MSH5: variants seen among roughly 807,000 people sequenced by gnomAD.
MSH5 encodes mutS protein homolog 5.
Under a neutral mutation model 107.7 loss-of-function variants are expected in MSH5, and 78 were observed. The observed-to-expected ratio is 0.72, with a 90% CI of 0.60 to 0.87. MSH5 has a LOEUF of 0.87. Ranked by LOEUF, MSH5 falls within the 40% of genes least tolerant of loss-of-function variation. The probability of loss-of-function intolerance (pLI) is 0.00; values close to 1 mark genes in which losing one functional copy is unlikely to be tolerated. For missense variants in MSH5, 889 were observed against 1,046.6 expected (o/e 0.85, Z 2.08); for synonymous variants, 326 against 399.5 (o/e 0.82, Z 2.19).
Position 31,761,281 on chromosome 6 carries a change from G to A in MSH5, c.2037+19G>A, listed in dbSNP as rs1195955769. On this transcript the variant is annotated intron_variant, in intron 21 of 24. Coordinates refer to ENST00000375750, the MANE Select transcript of MSH5 (RefSeq NM_172166.4). This position sits in a 1 kb window ranked among gnomAD's most constrained non-coding sequence, Gnocchi z 5.3. ...CAACACGGTGAGGGGAGAAACTGAT[G>A]AGGGGAGAAACTAAGGAGGGGAAAA... The A allele has an allele frequency of 5.0e-6, 8 of 1,612,914 alleles. No homozygotes were observed. The Admixed American group carries it at 1.3e-4, about 27-fold the overall frequency.
chr6:31,742,795 G>C, intron 3 of MSH5, 82 bp from the exon 4 acceptor site: 2 of 1,307,010 alleles, frequency 1.5e-6, no homozygotes, highest in Non-Finnish European at 2.2e-6. Context: ...AAGGAGAGGG[G>C]TAGGAAGAGG....
chr6:31,752,129 A>G (rs992776432), intron 10 of MSH5, among the ~76,000 whole-genome samples: 3 of 149,494 alleles, frequency 2.0e-5, no homozygotes, highest in African/African-American at 4.9e-5. Context: ...AAATATCTAT[A>G]TATCCATCAG....
chr6:31,756,295 T>C (rs1049059045), intron 12 of MSH5, among the ~76,000 whole-genome samples: 6 of 151,560 alleles, frequency 4.0e-5, no homozygotes, highest in Non-Finnish European at 8.8e-5. Context: ...CTCAGCCTCC[T>C]GAGTAGCTGG....
intron 10 of MSH5, 155 bp from the exon 11 acceptor site, chr6:31,753,146 A>C (rs1395996112): frequency 5.7e-6 from 5 of 880,758 alleles, no homozygotes; most frequent in Non-Finnish European, 8.7e-6. Context: ...ACACACCTGA[A>C]TGGGTAGGAC....
chr6:31,757,944 A>G, intron 12 of MSH5: 1 of 596,082 alleles, frequency 1.7e-6, no homozygotes, highest in Admixed American at 3.1e-5. Context: ...TGCTGGGATT[A>G]CAGGCATGAG....
At position 31,753,430 on chromosome 6, in the gene MSH5, G is replaced by A; in HGVS notation, c.942G>A (p.Lys314=). The A allele has an allele frequency of 6.2e-7, 1 of 1,613,956 alleles. No individual in the cohort carries two copies. The highest frequency in any genetic ancestry group is 8.5e-7 in the Non-Finnish European group (1 of 1,179,896). ...QMLHRLLGHI[K]NVPLILKRMK... ...TGCATCGGCTCCTGGGTCACATCAA[G>A]AACGTGCCTGTGAGCCCAGGGTGGA... Residue 314 remains lysine (K), a synonymous_variant, in exon 11 of 25, where the codon AAG becomes AAA. Transcript: ENST00000375750.
At chr6:31,747,534 AC>A in intron 10 of MSH5, 102 bp downstream of exon 10, 1 of 1,200,124 alleles carries the variant, frequency 8.3e-7, no homozygotes, top group Non-Finnish European at 1.2e-6. Flanking sequence ...CACATACACC[AC>A]CCCACCTAGT....
chr6:31,749,373 G>A (rs555081226), intron 10 of MSH5, among the ~76,000 whole-genome samples: 6 of 152,066 alleles, frequency 3.9e-5, no homozygotes, highest in African/African-American at 7.2e-5. Flanking sequence ...GAAACTTCAC[G>A]TCTACCGAAA....
In MSH5 at chr6:31,762,457, T is replaced by A. The variant is rs189410690; in HGVS notation, c.2431T>A (p.Leu811Met). ...TLVDKFMKLD[L>M]EDPNLDLNVF... ...AGTGGATAAGTTTATGAAACTGGAT[T>A]TGGAAGATCCTAACCTGGACTTGAA... is the stretch of plus-strand genomic sequence containing the variant. Residue 811 changes from leucine to methionine, a missense_variant, in exon 25 of 25, where the codon TTG (leucine) becomes ATG (methionine). Leu to Met is a conservative substitution (Grantham distance 15, BLOSUM62 2). Transcript: ENST00000375750. The A allele has an allele frequency of 1.2e-6, 2 of 1,614,070 alleles. No individual in the cohort carries two copies. The highest frequency in any genetic ancestry group is 3.3e-5 in the Admixed American group (2 of 60,004).
chr6:31,761,511 T>C lies in MSH5; in HGVS notation c.2077T>C (p.Trp693Arg). The change falls in exon 22 of 25, where the codon TGG becomes CGG. Residue 693 changes from tryptophan to arginine, a missense_variant. Coordinates refer to ENST00000375750, the MANE Select transcript of MSH5 (RefSeq NM_172166.4). The surrounding 1 kb of genome is among the most constrained non-coding windows in gnomAD (Gnocchi z 5.3). ...GCTTCTGGCCGCTGTGCTCCGACACTGGCTGGCACGTGGACCCACATGCCC... is the reference window on the plus strand; with the variant it reads ...GCTTCTGGCCGCTGTGCTCCGACACCGGCTGGCACGTGGACCCACATGCCC... ...LALLAAVLRH[W>R]LARGPTCPHI... is the part of the protein sequence containing the mutation. 6.2e-7 allele frequency: 1 copy of C among 1,613,728 alleles called. No individual in the cohort carries two copies. The highest frequency in any genetic ancestry group is 8.5e-7 in the Non-Finnish European group (1 of 1,180,008).
Position 31,753,331 on chromosome 6 carries a change from G to T in MSH5, c.843G>T (p.Leu281=). The T allele has an allele frequency of 3.1e-6, 5 of 1,613,866 alleles. No homozygotes were observed. Among genetic ancestry groups the T allele is most frequent in the Non-Finnish European group, 3.4e-6 (4 of 1,179,848 alleles). ...RLWFTRPTHD[L]GELSSRLDVI... ...GGTTCACACGTCCGACTCATGACCT[G>T]GGGGAGCTCAGTTCTCGTCTGGACG... Residue 281 remains leucine, a synonymous_variant, in exon 11 of 25, where the codon CTG becomes CTT. Transcript: ENST00000375750.
rs1263639398 is a variant in MSH5, at chr6:31,740,825, G to A, written c.147+212G>A. ...AAAATATAAAAATTAGCCGAGCGTG[G>A]TGGCACGTGCCTGTTATCCCAGCTA... On this transcript the variant is annotated intron_variant, in intron 2 of 24. Coordinates refer to ENST00000375750, the MANE Select transcript of MSH5 (RefSeq NM_172166.4). The surrounding 1 kb of genome is among the most constrained non-coding windows in gnomAD (Gnocchi z 4.4). 6.6e-6 allele frequency among the ~76,000 whole-genome samples: 1 copy of A among 152,132 alleles called. No homozygotes were observed. Among genetic ancestry groups the A allele is most frequent in the African/African-American group, 2.4e-5 (1 of 41,424 alleles).
Position 31,760,556 on chromosome 6 carries a change from G to A in MSH5, c.1813-134G>A, listed in dbSNP as rs760555430. On this transcript the variant is annotated intron_variant, in intron 19 of 24. Transcript: ENST00000375750. The surrounding 1 kb of genome is among the most constrained non-coding windows in gnomAD (Gnocchi z 5.6). Reference sequence around the variant, plus strand: ...TCAGGATTCGGGGAGGAGAGACAGAGTCAGTGTGTCTGTTACCTATTTCTC... The same window carrying A: ...TCAGGATTCGGGGAGGAGAGACAGAATCAGTGTGTCTGTTACCTATTTCTC... The A allele has an allele frequency of 2.5e-6, 3 of 1,198,284 alleles. No homozygotes were observed. The highest frequency in any genetic ancestry group is 3.7e-6 in the Non-Finnish European group (3 of 821,110). The allele number at this position is 1,198,284 out of a possible 1,614,324, so 74.2% of individuals were successfully genotyped here.
chr6:31,759,739 C>A lies in MSH5; in HGVS notation c.1496-47C>A. The A allele has an allele frequency of 6.3e-7, 1 of 1,598,294 alleles. No homozygotes were observed. The highest frequency in any genetic ancestry group is 8.5e-7 in the Non-Finnish European group (1 of 1,173,280). ...CCTAGGGGCCTCTGCCTCTCCTTCA[C>A]TTTCCCCTGGAACTGACCTCCAGCT... is the stretch of plus-strand genomic sequence containing the variant. On this transcript the variant is annotated intron_variant, in intron 17 of 24. Transcript: ENST00000375750. The surrounding 1 kb of genome is among the most constrained non-coding windows in gnomAD (Gnocchi z 4.7).
Position 31,759,609 on chromosome 6 carries a change from C to T in MSH5, c.1495+97C>T. 7.2e-7 allele frequency: 1 copy of T among 1,387,920 alleles called. No individual in the cohort carries two copies. Among genetic ancestry groups the T allele is most frequent in the East Asian group, 2.3e-5 (1 of 42,646 alleles). 86.0% of individuals were successfully genotyped at this position (1,387,920 alleles called of 1,614,324 possible). A position where few individuals can be genotyped will look rare whatever the true frequency, so the allele number is the denominator to read the frequency against. On this transcript the variant is annotated intron_variant, in intron 17 of 24. Transcript: ENST00000375750. This position sits in a 1 kb window ranked among gnomAD's most constrained non-coding sequence, Gnocchi z 4.7. Reference sequence around the variant, plus strand: ...GTGGGCAACTTGGGGATGCTTCCAACAGGCCCCTCCTCTTCCTGCTCTCTG... The same window carrying T: ...GTGGGCAACTTGGGGATGCTTCCAATAGGCCCCTCCTCTTCCTGCTCTCTG...
chr6:31,761,151 A>G lies in MSH5; in HGVS notation c.1963-37A>G. The stretch of plus-strand genomic sequence containing the variant: ...TGTGGTCAGTGCGTTACGGGCTTCC[A>G]ATACTAACTTTCCCTTGTCCACCTT... On this transcript the variant is annotated intron_variant, in intron 20 of 24. Coordinates refer to ENST00000375750, the MANE Select transcript of MSH5 (RefSeq NM_172166.4). The surrounding 1 kb of genome is among the most constrained non-coding windows in gnomAD (Gnocchi z 5.3). 1 of 1,603,752 alleles carries G rather than the reference A, an allele frequency of 6.2e-7. No individual in the cohort carries two copies. The highest frequency in any genetic ancestry group is 1.7e-4 in the Middle Eastern group (1 of 6,034).
rs144096670 is a variant in MSH5 at position 31,755,883 on chromosome 6, C to G, written c.1014+2254C>G. Among the ~76,000 whole-genome samples, 274 of 152,144 alleles carry G rather than the reference C, an allele frequency of 1.8e-3. 2 individuals are homozygous for G. Among genetic ancestry groups the G allele is most frequent in the Middle Eastern group, 0.014 (4 of 294 alleles). Reference sequence around the variant, plus strand: ...TTCTTTCTTTTTCTCTTTTTCTTCTCCTGGCAATTTGTTGAAGAAACTAGA... The same window carrying G: ...TTCTTTCTTTTTCTCTTTTTCTTCTGCTGGCAATTTGTTGAAGAAACTAGA... On this transcript the variant is annotated intron_variant, in intron 12 of 24. Coordinates refer to ENST00000375750, the MANE Select transcript of MSH5 (RefSeq NM_172166.4).
chr6:31,744,346 G>T, intron 7 of MSH5, 47 bp downstream of exon 7: 1 of 1,611,630 alleles, frequency 6.2e-7, no homozygotes, highest in Non-Finnish European at 8.5e-7. Flanking sequence ...GGGATTGGGA[G>T]GCCTGAAAAG....
In MSH5 at chr6:31,753,552, C is replaced by A; in HGVS notation, c.952-15C>A. On this transcript the variant is annotated splice_polypyrimidine_tract_variant and intron_variant, in intron 11 of 24. Coordinates refer to ENST00000375750, the MANE Select transcript of MSH5 (RefSeq NM_172166.4). The stretch of plus-strand genomic sequence containing the variant: ...GGGAAGAGAAAACAGCGGCTGTAAC[C>A]TTGTCTGACTGTAGCTGATTCTGAA... 8.1e-6 allele frequency: 13 copies of A among 1,614,066 alleles called. No homozygotes were observed. Among genetic ancestry groups the A allele is most frequent in the Non-Finnish European group, 1.1e-5 (13 of 1,180,000 alleles).
Sources: allele counts gnomAD v4.1 joint callset (sites outside exome capture counted in the v4.1 genomes callset), GRCh38; gene constraint gnomAD v4.1.1; non-coding constraint Gnocchi (gnomAD v3.1); transcripts MANE v1.5; gene names NCBI Gene and HGNC (gene_info 2026-07-23, HGNC 2026-07-21).